Variants in IL17RE observed in about 807,000 individuals in gnomAD.
The protein encoded by IL17RE is interleukin 17 receptor E.
Under a neutral mutation model 70.7 loss-of-function variants are expected in IL17RE, and 47 were observed. The ratio of observed to expected loss-of-function variants is 0.67; its 90% CI spans 0.53 to 0.85. The LOEUF (loss-of-function observed/expected upper bound fraction) is 0.85. Among genes scored for constraint, IL17RE ranks in the 40% least tolerant of loss-of-function variants. The pLI, the probability that IL17RE is intolerant of heterozygous loss-of-function variation, is 0.00. For synonymous variants in IL17RE, 372 were observed against 381.2 expected (o/e 0.98, Z 0.28); for missense variants, 850 against 893.9 (o/e 0.95, Z 0.63).
In IL17RE at chr3:9,914,609, TG is replaced by T. The variant is rs1391640726; in HGVS notation, c.1348+14del. On this transcript the variant is annotated intron_variant, in intron 14 of 15. Transcript: ENST00000383814. ...CTCTTGTGTCCGGATGGTGAGTTCT[TG>T]GGGAGGGGGAGGTAAGAGGGAGGCT... The T allele has an allele frequency of 6.2e-7, 1 of 1,613,670 alleles. No individual in the cohort carries two copies. The highest frequency in any genetic ancestry group is 1.1e-5 in the South Asian group (1 of 91,078).
chr3:9,903,130 C>T, intron 1 of IL17RE, 66 bp downstream of exon 1: 1 of 1,397,282 alleles, frequency 7.2e-7, no homozygotes, highest in Non-Finnish European at 1.0e-6. Flanking sequence ...ACTCCCCTGC[C>T]TGCCCTGTGC....
intron 6 of IL17RE, 139 bp from the exon 7 acceptor site, chr3:9,908,100 C>G (rs918450272): frequency 2.9e-6 from 2 of 686,520 alleles, no homozygotes; most frequent in Non-Finnish European, 5.1e-6. Context: ...CTTTGAGAGA[C>G]TTATCAGGAG....
At chr3:9,911,083 G>T in intron 9 of IL17RE, 43 bp downstream of exon 9, 1 of 1,614,104 alleles carries the variant, frequency 6.2e-7, no homozygotes, top group East Asian at 2.2e-5. Flanking sequence ...CAGGGCTGGG[G>T]CCCAGGAATT....
rs62245462 is a variant in IL17RE, at chr3:9,915,394, C to A, written c.1591C>A (p.His531Asn). 1 of 1,363,596 alleles carries A rather than the reference C, an allele frequency of 7.3e-7. No individual in the cohort carries two copies. The highest frequency in any genetic ancestry group is 9.4e-7 in the Non-Finnish European group (1 of 1,068,466). The allele number at this position is 1,363,596 out of a possible 1,614,324, so 84.5% of individuals were successfully genotyped here. The change falls in exon 16 of 16, where the codon CAC (histidine) becomes AAC (asparagine). Residue 531 changes from histidine (H) to asparagine (N), a missense_variant. Transcript: ENST00000383814. This position sits in a 1 kb window ranked among gnomAD's most constrained non-coding sequence, Gnocchi z 4.9. ...DVIVDLWEGRHVARVGPLPWL... is the reference protein window; with the variant it reads ...DVIVDLWEGRNVARVGPLPWL... ...GATCGTGGACCTGTGGGAGGGGAGG[C>A]ACGTGGCGCGCGTGGGCCCGCTGCC...
chr3:9,903,153 C>T, intron 1 of IL17RE, 89 bp downstream of exon 1: 1 of 1,246,886 alleles, frequency 8.0e-7, no homozygotes, highest in Non-Finnish European at 1.2e-6. Context: ...CCTCCGCAGT[C>T]CCTGTGCTCT....
chr3:9,915,532 C>G lies in IL17RE; in HGVS notation c.1729C>G (p.Leu577Val). The G allele has an allele frequency of 7.4e-7, 1 of 1,350,904 alleles. No homozygotes were observed. The highest frequency in any genetic ancestry group is 9.5e-7 in the Non-Finnish European group (1 of 1,057,200). 83.7% of individuals were successfully genotyped at this position (1,350,904 alleles called of 1,614,324 possible). The change falls in exon 16 of 16, where the codon CTG becomes GTG. Residue 577 changes from leucine to valine, a missense_variant. Physicochemically the swap from Leu to Val is conservative, Grantham distance 32 (BLOSUM62 1). Coordinates refer to ENST00000383814, the MANE Select transcript of IL17RE (RefSeq NM_153480.2). This position sits in a 1 kb window ranked among gnomAD's most constrained non-coding sequence, Gnocchi z 4.9. The stretch of plus-strand genomic sequence containing the variant: ...CGGCCCCGACCCCCGCGCCGCGCCC[C>G]TGCTCGCCCTGCTCCACGCTGCCCC... The part of the protein sequence containing the change: ...VSGPDPRAAP[L>V]LALLHAAPRP...
At chr3:9,914,124 G>A (rs915428994) in intron 13 of IL17RE, 100 bp downstream of exon 13, 1 of 968,344 alleles carries the variant, frequency 1.0e-6, no homozygotes, top group Admixed American at 1.9e-5. Context: ...TGTTTGGTTT[G>A]GCCAGCACAG....
rs192856824 is a variant in IL17RE, at chr3:9,906,639, A to C, written c.367-67A>C. ...ACTTGCCTGTAGTACCTCAGGTTCC[A>C]GAGGCAGAAACAGAAGCCAGGTTTC... On this transcript the variant is annotated intron_variant, in intron 4 of 15. Coordinates refer to ENST00000383814, the MANE Select transcript of IL17RE (RefSeq NM_153480.2). 2.5e-4 allele frequency: 398 copies of C among 1,586,450 alleles called. 2 individuals are homozygous for C. Among genetic ancestry groups the C allele is most frequent in the Middle Eastern group, 1.8e-3 (10 of 5,452 alleles).
Position 9,911,055 on chromosome 3 carries a change from C to T in IL17RE, c.978+15C>T, listed in dbSNP as rs752301596. 4 of 1,614,054 alleles carry T rather than the reference C, an allele frequency of 2.5e-6. No individual in the cohort carries two copies. Among genetic ancestry groups the T allele is most frequent in the Non-Finnish European group, 3.4e-6 (4 of 1,179,946 alleles). On this transcript the variant is annotated intron_variant, in intron 9 of 15. Transcript: ENST00000383814. ...AGTCAGATGGGGTGAGGACAGGTTC[C>T]CCCAGGACCAGGGTGGGCAGGGCTG...
In IL17RE at chr3:9,913,960, G is replaced by A. The variant is rs376826050; in HGVS notation, c.1232G>A (p.Arg411Gln). 166 of 1,613,688 alleles carry A rather than the reference G, an allele frequency of 1.0e-4. No individual in the cohort carries two copies. The highest frequency in any genetic ancestry group is 1.6e-4 in the Middle Eastern group (1 of 6,084). The change falls in exon 13 of 16, where the codon CGG becomes CAG. Residue 411 changes from arginine (R) to glutamine (Q), a missense_variant. By Grantham distance (43) the Arg-to-Gln change is conservative. Coordinates refer to ENST00000383814, the MANE Select transcript of IL17RE (RefSeq NM_153480.2). ...VPPVYTVSQA[R>Q]GSSPVSLDLI... ...TTCTGCTCTTTGTTTCTACAGGCCC[G>A]GGGCTCAAGCCCAGTGTCACTAGAC...
At chr3:9,905,856 C>A (rs565964958) in intron 3 of IL17RE, among the ~76,000 whole-genome samples, 1 of 152,180 alleles carries the variant, frequency 6.6e-6, no homozygotes, top group African/African-American at 2.4e-5. Context: ...AAATGAATAT[C>A]TTTGTATATA....
At chr3:9,902,736 C>T (rs902560155), upstream of IL17RE, 1 of 1,533,812 alleles carries the variant, frequency 6.5e-7, no homozygotes, top group African/African-American at 1.4e-5. Flanking sequence ...TTTCCTCAGT[C>T]CCTCCACTTG....
intron 4 of IL17RE, 91 bp downstream of exon 4, chr3:9,906,552 A>C (rs575509798): frequency 1.5e-6 from 2 of 1,376,480 alleles, no homozygotes; most frequent in African/African-American, 2.9e-5. Context: ...TGTGAGACAG[A>C]AAGTGTGGAG....
At chr3:9,908,513 G>A (rs2082812781) in intron 7 of IL17RE, among the ~76,000 whole-genome samples, 1 of 152,224 alleles carries the variant, frequency 6.6e-6, no homozygotes, top group Admixed American at 6.5e-5. Context: ...ACCTTCTTAG[G>A]GTGATTCCAA....
chr3:9,908,016 G>GT (rs1268743327), intron 6 of IL17RE, among the ~76,000 whole-genome samples: 1 of 152,160 alleles, frequency 6.6e-6, no homozygotes, highest in African/African-American at 2.4e-5. Flanking sequence ...ATAAAGGAAT[G>GT]TATTCCCTGT....
At chr3:9,906,628 C>T in intron 4 of IL17RE, 78 bp from the exon 5 acceptor site, 3 of 1,567,818 alleles carry the variant, frequency 1.9e-6, no homozygotes, top group Non-Finnish European at 8.7e-7. Flanking sequence ...GCCTGTAGTA[C>T]CTCAGGTTCC....
chr3:9,906,365 T>A lies in IL17RE; in HGVS notation c.270T>A (p.Gly90=), dbSNP rs1053548883. The A allele has an allele frequency of 6.2e-7, 1 of 1,610,706 alleles. No homozygotes were observed. Among genetic ancestry groups the A allele is most frequent in the African/African-American group, 1.3e-5 (1 of 74,804 alleles). The change falls in exon 4 of 16, where the codon GGT becomes GGA. Residue 90 remains glycine, a splice_region_variant and synonymous_variant. Transcript: ENST00000383814. ...LCQHLLSGGS[G]LQRGLFHLLV... Reference sequence around the variant, plus strand: ...AGTAAGTACGTCTCCCCTGCACAGGTCTTCAACGGGGCCTCTTCCACCTCC... The same window carrying A: ...AGTAAGTACGTCTCCCCTGCACAGGACTTCAACGGGGCCTCTTCCACCTCC...
chr3:9,915,334 C>A lies in IL17RE; in HGVS notation c.1531C>A (p.Leu511Met). Residue 511 changes from leucine (L) to methionine (M), a missense_variant, in exon 16 of 16, where the codon CTG becomes ATG. Coordinates refer to ENST00000383814, the MANE Select transcript of IL17RE (RefSeq NM_153480.2). The surrounding 1 kb of genome is among the most constrained non-coding windows in gnomAD (Gnocchi z 4.9). ...QRRLVGALAELLRAALGGGRD... is the reference protein window; with the variant it reads ...QRRLVGALAEMLRAALGGGRD... ...GCGCCTGGTGGGAGCGCTGGCTGAA[C>A]TGCTACGGGCAGCGCTGGGCGGCGG... The A allele has an allele frequency of 7.2e-7, 1 of 1,389,474 alleles. No individual in the cohort carries two copies. Among genetic ancestry groups the A allele is most frequent in the Non-Finnish European group, 9.3e-7 (1 of 1,081,002 alleles). 86.1% of individuals were successfully genotyped at this position (1,389,474 alleles called of 1,614,324 possible). A position where few individuals can be genotyped will look rare whatever the true frequency, so the allele number is the denominator to read the frequency against.
At chr3:9,911,665 G>A in intron 12 of IL17RE, 68 bp downstream of exon 12, 1 of 1,429,362 alleles carries the variant, frequency 7.0e-7, no homozygotes, top group Admixed American at 2.0e-5. Flanking sequence ...TGACCTCATT[G>A]AGATAGACCC....
Sources: gnomAD v4.1 joint callset for allele counts (sites outside exome capture counted in the v4.1 genomes callset) on GRCh38, gnomAD v4.1.1 for gene constraint, Gnocchi (gnomAD v3.1) non-coding constraint, MANE v1.5 for transcripts, NCBI Gene and HGNC (gene_info 2026-07-23, HGNC 2026-07-21) for gene names.